TTC28: variants seen among roughly 807,000 people sequenced by gnomAD.
TTC28 encodes tetratricopeptide repeat domain 28.
In TTC28, 61 loss-of-function variants were observed where a neutral mutation model predicts 198.0. The observed-to-expected ratio is 0.31, with a 90% CI of 0.25 to 0.38. The LOEUF (loss-of-function observed/expected upper bound fraction) is 0.38. TTC28 is among the 10% of genes least tolerant of loss of function. TTC28 has a pLI of 1.00. For synonymous variants in TTC28, 1,171 were observed against 1,297.8 expected, an observed-to-expected ratio of 0.90 and a Z score of 2.10; for missense variants, 2,678 against 3,164.0, an observed-to-expected ratio of 0.85 and a Z score of 3.69.
intron 2 of TTC28, among the ~76,000 whole-genome samples, chr22:28,491,614 G>A (rs1308689831): frequency 6.6e-6 from 1 of 152,112 alleles, no homozygotes; most frequent in Non-Finnish European, 1.5e-5. Context: ...GAAACAACAG[G>A]TGCTGGAGAG....
At chr22:28,173,273 G>A (rs1253601366) in intron 5 of TTC28, among the ~76,000 whole-genome samples, 1 of 152,122 alleles carries the variant, frequency 6.6e-6, no homozygotes, top group Admixed American at 6.5e-5. Flanking sequence ...GATCTGAAAC[G>A]TGGTTTCAGG....
intron 1 of TTC28, 89 bp downstream of exon 1, chr22:28,679,533 G>A: frequency 1.2e-6 from 1 of 846,476 alleles, no homozygotes; most frequent in Non-Finnish European, 1.7e-6. Flanking sequence ...CGCCTCGCAG[G>A]CGCTCCTCTG....
intron 3 of TTC28, among the ~76,000 whole-genome samples, chr22:28,305,118 G>A (rs2045113930): frequency 6.6e-6 from 1 of 152,082 alleles, no homozygotes; most frequent in Admixed American, 6.5e-5. Context: ...AGCCTCCTGA[G>A]TGGCTGGGAC....
chr22:28,354,750 C>G (rs936462435), intron 2 of TTC28, among the ~76,000 whole-genome samples: 2 of 152,150 alleles, frequency 1.3e-5, no homozygotes, highest in Admixed American at 6.5e-5. Flanking sequence ...TGGCACATGA[C>G]TCAATGTTGC....
At chr22:28,208,716 A>G (rs1926638473) in intron 5 of TTC28, among the ~76,000 whole-genome samples, 1 of 152,184 alleles carries the variant, frequency 6.6e-6, no homozygotes, top group Non-Finnish European at 1.5e-5. Flanking sequence ...TAGTATTTTA[A>G]CTATATATAT....
At chr22:28,281,631 T>A (rs758036670) in intron 5 of TTC28, among the ~76,000 whole-genome samples, 1 of 152,230 alleles carries the variant, frequency 6.6e-6, no homozygotes, top group Non-Finnish European at 1.5e-5. Flanking sequence ...TTTCTTCATA[T>A]GTCTAACAAC....
chr22:28,226,883 G>T (rs1199992411), intron 5 of TTC28, among the ~76,000 whole-genome samples: 1 of 152,040 alleles, frequency 6.6e-6, no homozygotes, highest in East Asian at 1.9e-4. Flanking sequence ...TTTTGATGAA[G>T]TCCAGTTTCT....
At chr22:28,215,380 C>T (rs1045130476) in intron 5 of TTC28, among the ~76,000 whole-genome samples, 1 of 152,194 alleles carries the variant, frequency 6.6e-6, no homozygotes, top group African/African-American at 2.4e-5. Flanking sequence ...CTCTGTGCTA[C>T]TATCTCACAC....
intron 2 of TTC28, among the ~76,000 whole-genome samples, chr22:28,372,633 G>C (rs2046355687): frequency 6.7e-6 from 1 of 150,082 alleles, no homozygotes; most frequent in African/African-American, 2.5e-5. Flanking sequence ...AACAATAATT[G>C]TTCCCAACTA....
rs1197171290 is a variant in TTC28 at position 28,235,507 on chromosome 22, T to G, written c.933+60691A>C. On this transcript the variant is annotated intron_variant, in intron 5 of 22. Transcript: ENST00000397906. ...GGGGTTTAAATGCAGGCTTTTAAAC[T>G]ATAAAGGAAGACTAGCCCTGTCAGA... 2.6e-5 allele frequency among the ~76,000 whole-genome samples: 4 copies of G among 152,336 alleles called. No homozygotes were observed. The East Asian group carries it at 7.7e-4, about 29-fold the overall frequency.
intron 5 of TTC28, among the ~76,000 whole-genome samples, chr22:28,233,853 T>G (rs1324734757): frequency 6.6e-6 from 1 of 151,586 alleles, no homozygotes; most frequent in African/African-American, 2.4e-5. Context: ...CAAGCGATTC[T>G]CCAGCCTCCT....
At chr22:28,147,749 C>T (rs1422861561) in intron 6 of TTC28, among the ~76,000 whole-genome samples, 5 of 152,196 alleles carry the variant, frequency 3.3e-5, no homozygotes, top group African/African-American at 9.6e-5. Flanking sequence ...AGAAGCTACA[C>T]CAAGTATAGT....
chr22:28,481,114 A>G (rs1472247939), intron 2 of TTC28, among the ~76,000 whole-genome samples: 1 of 152,226 alleles, frequency 6.6e-6, no homozygotes, highest in Non-Finnish European at 1.5e-5. Flanking sequence ...ATTGCATTAC[A>G]TATTTAAAGT....
chr22:28,410,657 T>C (rs537890281), intron 2 of TTC28, among the ~76,000 whole-genome samples: 2 of 152,126 alleles, frequency 1.3e-5, no homozygotes, highest in African/African-American at 2.4e-5. Context: ...AATAGCCAAG[T>C]AGGTTGAAAG....
intron 14 of TTC28, 113 bp downstream of exon 14, chr22:28,014,135 C>T: frequency 1.5e-6 from 2 of 1,318,282 alleles, no homozygotes; most frequent in Non-Finnish European, 2.0e-6. Context: ...TCTGGAAAGC[C>T]TCCGGTTGTC....
chr22:28,650,316 C>T (rs746280515), intron 1 of TTC28, among the ~76,000 whole-genome samples: 4 of 152,142 alleles, frequency 2.6e-5, no homozygotes, highest in Non-Finnish European at 4.4e-5. Context: ...ATCACTTATA[C>T]TGCTATCAAT....
chr22:28,663,652 A>C (rs2051791265), intron 1 of TTC28, among the ~76,000 whole-genome samples: 2 of 135,032 alleles, frequency 1.5e-5, no homozygotes. Context: ...TCCTACGCCC[A>C]CGGAATCTCG....
At chr22:28,316,231 T>TCTGTGC (rs1289385631) in intron 2 of TTC28, among the ~76,000 whole-genome samples, 5 of 152,162 alleles carry the variant, frequency 3.3e-5, no homozygotes, top group Non-Finnish European at 7.3e-5. Context: ...AGTTCCCTTA[T>TCTGTGC]CTGTGCCTGC....
intron 2 of TTC28, among the ~76,000 whole-genome samples, chr22:28,468,839 T>C (rs567058802): frequency 5.9e-5 from 9 of 152,010 alleles, no homozygotes; most frequent in Non-Finnish European, 1.0e-4. Context: ...GCCTGGCCCA[T>C]AATGCTATCT....
Sources: gnomAD v4.1 joint callset for allele counts (sites outside exome capture counted in the v4.1 genomes callset) on GRCh38, gnomAD v4.1.1 for gene constraint, MANE v1.5 for transcripts, NCBI Gene and HGNC (gene_info 2026-07-23, HGNC 2026-07-21) for gene names.